The following UVRAG variants were observed in gnomAD, a reference collection of about 807,000 sequenced individuals.
The protein encoded by UVRAG is UV radiation resistance associated.
UVRAG carries 19 observed loss-of-function variants against 78.0 expected under a neutral mutation model. The observed-to-expected ratio is 0.24, with a 90% CI of 0.17 to 0.36. UVRAG has a LOEUF of 0.36. Among genes scored for constraint, UVRAG ranks in the 10% least tolerant of loss-of-function variants. The pLI, the probability that UVRAG is intolerant of heterozygous loss-of-function variation, is 1.00. For missense variants in UVRAG, 740 were observed against 853.8 expected (o/e 0.87, Z 1.66); for synonymous variants, 323 against 324.6 (o/e 1.00, Z 0.05).
chr11:75,945,168 C>A (rs561089174), intron 6 of UVRAG, among the ~76,000 whole-genome samples: 8 of 152,174 alleles, frequency 5.3e-5, no homozygotes, highest in African/African-American at 1.9e-4. Context: ...TCAGAGAAAT[C>A]TTAAAATAAT....
At chr11:75,896,203 G>C (rs976790658) in intron 5 of UVRAG, among the ~76,000 whole-genome samples, 1 of 152,170 alleles carries the variant, frequency 6.6e-6, no homozygotes, top group African/African-American at 2.4e-5. Flanking sequence ...TGAAGTTGGT[G>C]TGGAGGTTGG....
chr11:76,050,065 A>G (rs1950832934), intron 12 of UVRAG, among the ~76,000 whole-genome samples: 2 of 152,252 alleles, frequency 1.3e-5, no homozygotes, highest in Non-Finnish European at 2.9e-5. Context: ...GCAATCCAGC[A>G]TCAACATCAT....
intron 12 of UVRAG, among the ~76,000 whole-genome samples, chr11:76,056,060 G>T (rs1248160229): frequency 6.6e-6 from 1 of 152,098 alleles, no homozygotes; most frequent in Non-Finnish European, 1.5e-5. Context: ...AAATACATAG[G>T]CATCTGTGCA....
chr11:76,095,484 T>G (rs932506415), intron 13 of UVRAG, among the ~76,000 whole-genome samples: 11 of 151,590 alleles, frequency 7.3e-5, no homozygotes, highest in African/African-American at 2.7e-4. Flanking sequence ...GTAAAAAAAT[T>G]TGTGATATAA....
rs114507804 is a variant in UVRAG at position 75,944,476 on chromosome 11, T to C, written c.594-16968T>C. ...ATCTAGAGGGAAATTTTTAAATGCATGGCATAGGGCTCTGCTATTGACCTA... is the reference window on the plus strand; with the variant it reads ...ATCTAGAGGGAAATTTTTAAATGCACGGCATAGGGCTCTGCTATTGACCTA... On this transcript the variant is annotated intron_variant, in intron 6 of 14. Coordinates refer to ENST00000356136, the MANE Select transcript of UVRAG (RefSeq NM_003369.4). Among the ~76,000 whole-genome samples, 457 of 152,298 alleles carry C rather than the reference T, an allele frequency of 3.0e-3. 2 individuals carry two copies. Among genetic ancestry groups the C allele is most frequent in the African/African-American group, 0.011 (439 of 41,562 alleles).
intron 7 of UVRAG, among the ~76,000 whole-genome samples, chr11:75,967,843 G>A (rs1208808413): frequency 6.6e-6 from 1 of 152,168 alleles, no homozygotes; most frequent in Non-Finnish European, 1.5e-5. Flanking sequence ...ATGAGAAAAT[G>A]AGAGTGGAAA....
chr11:76,016,811 A>G lies in UVRAG; in HGVS notation c.1061-4A>G, dbSNP rs1017118207. ...TTTCTTTTCCTCTGCTTTTGAATTT[A>G]CAGCAAAAGATGATGGAAGCATTGC... On this transcript the variant is annotated splice_polypyrimidine_tract_variant and splice_region_variant and intron_variant, in intron 11 of 14. Transcript: ENST00000356136. 1 of 1,583,054 alleles carries G rather than the reference A, an allele frequency of 6.3e-7. No homozygotes were observed. The highest frequency in any genetic ancestry group is 8.6e-7 in the Non-Finnish European group (1 of 1,164,092).
chr11:75,876,571 T>A (rs1431617958), intron 3 of UVRAG, among the ~76,000 whole-genome samples: 2 of 152,198 alleles, frequency 1.3e-5, no homozygotes, highest in East Asian at 3.8e-4. Flanking sequence ...AATTCTTGCA[T>A]GGCTAGCATT....
At chr11:76,113,087 TG>T (rs761357558) in intron 13 of UVRAG, among the ~76,000 whole-genome samples, 3 of 151,970 alleles carry the variant, frequency 2.0e-5, no homozygotes, top group Non-Finnish European at 4.4e-5. Context: ...GTGGAAAAAA[TG>T]GCAGTTATCA....
intron 13 of UVRAG, among the ~76,000 whole-genome samples, chr11:76,089,722 G>A (rs1444573679): frequency 6.6e-6 from 1 of 152,168 alleles, no homozygotes; most frequent in African/African-American, 2.4e-5. Flanking sequence ...AGCAGATTAT[G>A]TTACTACTTG....
intron 13 of UVRAG, among the ~76,000 whole-genome samples, chr11:76,091,839 T>G (rs539654481): frequency 4.0e-5 from 6 of 151,432 alleles, no homozygotes; most frequent in Non-Finnish European, 7.4e-5. Context: ...GTATATTTGT[T>G]TTTTTTTTAT....
intron 3 of UVRAG, among the ~76,000 whole-genome samples, chr11:75,876,844 T>G (rs1285794241): frequency 6.6e-6 from 1 of 152,026 alleles, no homozygotes; most frequent in East Asian, 1.9e-4. Flanking sequence ...TTTTTTTTAT[T>G]TTTTATTTTT....
At chr11:76,140,060 TCC>T (rs1491118816) in intron 14 of UVRAG, among the ~76,000 whole-genome samples, 27 of 23,624 alleles carry the variant, frequency 1.1e-3, no homozygotes, top group African/African-American at 3.8e-3. Flanking sequence ...TCTCTCTCTC[TCC>T]CTCCCTCCCT....
intron 13 of UVRAG, among the ~76,000 whole-genome samples, chr11:76,068,264 C>G (rs1459495116): frequency 6.6e-6 from 1 of 152,184 alleles, no homozygotes; most frequent in Non-Finnish European, 1.5e-5. Flanking sequence ...TCATCAGACT[C>G]TCAACTCTAG....
intron 6 of UVRAG, chr11:75,916,388 C>T (rs890216244): frequency 6.6e-6 from 1 of 152,180 alleles, no homozygotes; most frequent in Non-Finnish European, 1.5e-5. Flanking sequence ...TAGTTACTGG[C>T]ATATAGTAGA....
At chr11:76,017,856 G>A (rs368690334) in intron 12 of UVRAG, among the ~76,000 whole-genome samples, 58 of 152,010 alleles carry the variant, frequency 3.8e-4, no homozygotes, top group African/African-American at 1.2e-3. Context: ...AAAATATATC[G>A]CAGCAGACCT....
At chr11:75,957,275 T>C (rs968491708) in intron 6 of UVRAG, among the ~76,000 whole-genome samples, 9 of 152,116 alleles carry the variant, frequency 5.9e-5, no homozygotes, top group Non-Finnish European at 1.2e-4. Context: ...TTTTTTTCTA[T>C]GCTTATTCAG....
At chr11:76,068,506 A>G (rs1951239707) in intron 13 of UVRAG, among the ~76,000 whole-genome samples, 1 of 152,174 alleles carries the variant, frequency 6.6e-6, no homozygotes, top group South Asian at 2.1e-4. Flanking sequence ...TCTTTTTTTA[A>G]TCACACTGGA....
chr11:75,844,852 A>G (rs2134712794), intron 1 of UVRAG, among the ~76,000 whole-genome samples: 1 of 151,774 alleles, frequency 6.6e-6, no homozygotes, highest in East Asian at 1.9e-4. Flanking sequence ...TTTTGTGGAG[A>G]TGGAGTTTTG....
Sources: gnomAD v4.1 joint callset for allele counts (sites outside exome capture counted in the v4.1 genomes callset) on GRCh38, gnomAD v4.1.1 for gene constraint, MANE v1.5 for transcripts, NCBI Gene and HGNC (gene_info 2026-07-23, HGNC 2026-07-21) for gene names.